The following TBC1D1 variants were observed in gnomAD, a reference collection of about 807,000 sequenced individuals.
TBC1D1 encodes TBC1 domain family member 1.
TBC1D1 carries 89 observed loss-of-function variants against 125.6 expected under a neutral mutation model. That is an observed-to-expected ratio of 0.71 (90% CI 0.60 to 0.85). The LOEUF (loss-of-function observed/expected upper bound fraction) is 0.85. Among genes scored for constraint, TBC1D1 ranks in the 40% least tolerant of loss-of-function variants. The pLI is 0.00. For synonymous variants in TBC1D1, 565 were observed against 564.1 expected (o/e 1.00, Z -0.02); for missense variants, 1,377 against 1,469.2 (o/e 0.94, Z 1.03).
In TBC1D1 at chr4:38,049,789, C is replaced by G; in HGVS notation, c.1801C>G (p.Pro601Ala). 6.2e-7 allele frequency: 1 copy of G among 1,614,186 alleles called. No homozygotes were observed. ...GCGAGCAAACACCCTGAGTCACTTC[C>G]CCATCGAATGCCAGGAACCTCCACA... Residue 601 changes from proline to alanine, a missense_variant, in exon 11 of 20, where the codon CCC becomes GCC. Transcript: ENST00000261439.
intron 12 of TBC1D1, among the ~76,000 whole-genome samples, chr4:38,083,233 C>A (rs1167977246): frequency 1.3e-5 from 2 of 152,222 alleles, no homozygotes; most frequent in Non-Finnish European, 2.9e-5. Context: ...GCTTAAAAAA[C>A]CCCCAATCTT....
chr4:38,066,648 A>G (rs1165919590), intron 12 of TBC1D1, among the ~76,000 whole-genome samples: 1 of 151,936 alleles, frequency 6.6e-6, no homozygotes, highest in Non-Finnish European at 1.5e-5. Context: ...TATTTGAATG[A>G]AAGAGCAGAC....
intron 11 of TBC1D1, among the ~76,000 whole-genome samples, chr4:38,050,350 G>A (rs541444370): frequency 1.2e-3 from 181 of 152,324 alleles, no homozygotes; most frequent in South Asian, 3.1e-3. Context: ...TAGCTCTGCC[G>A]TGAACTAATT....
At chr4:38,055,301 G>A (rs1203311143) in intron 12 of TBC1D1, among the ~76,000 whole-genome samples, 1 of 152,126 alleles carries the variant, frequency 6.6e-6, no homozygotes, top group Non-Finnish European at 1.5e-5. Flanking sequence ...CGTGGGCTTC[G>A]GAGTCTGCTT....
chr4:37,948,365 G>A (rs778816015), intron 2 of TBC1D1, among the ~76,000 whole-genome samples: 4 of 152,186 alleles, frequency 2.6e-5, no homozygotes, highest in African/African-American at 4.8e-5. Flanking sequence ...GGTGGCTCAC[G>A]CCTGTTAATT....
intron 2 of TBC1D1, among the ~76,000 whole-genome samples, chr4:38,008,335 A>G (rs912963776): frequency 6.6e-6 from 1 of 152,046 alleles, no homozygotes; most frequent in Non-Finnish European, 1.5e-5. Flanking sequence ...TTGTGGTTTC[A>G]TAGTTTTAAA....
chr4:38,133,226 A>G lies in TBC1D1; in HGVS notation c.3275A>G (p.Lys1092Arg), dbSNP rs776078069. The G allele has an allele frequency of 3.1e-6, 5 of 1,614,190 alleles. No homozygotes were observed. The highest frequency in any genetic ancestry group is 4.2e-6 in the Non-Finnish European group (5 of 1,180,018). The change falls in exon 19 of 20, where the codon AAA (lysine) becomes AGA (arginine). Residue 1092 changes from lysine to arginine, a missense_variant. By Grantham distance (26) the Lys-to-Arg change is conservative. Around this residue, in one of 3 missense-constraint regions of TBC1D1, gnomAD observed 543 missense variants for 613.5 expected, o/e 0.89. Transcript: ENST00000261439. ...GAGAAAACCAACAGCAGCTTACGCA[A>G]ACAGAACCTTGACCTCCTTGAACAG...
chr4:38,110,604 G>T (rs765753019), intron 15 of TBC1D1: 19 of 985,254 alleles, frequency 1.9e-5, no homozygotes, highest in Non-Finnish European at 2.2e-5. Context: ...CACATCGAAT[G>T]TCTTTTTATA....
chr4:37,913,860 C>T (rs555590376), intron 2 of TBC1D1, among the ~76,000 whole-genome samples: 35 of 151,876 alleles, frequency 2.3e-4, no homozygotes, highest in African/African-American at 8.2e-4. Flanking sequence ...CTTATAATGT[C>T]ACGAGCCACC....
intron 2 of TBC1D1, among the ~76,000 whole-genome samples, chr4:37,965,320 G>A (rs993191402): frequency 1.3e-5 from 2 of 152,174 alleles, no homozygotes; most frequent in African/African-American, 2.4e-5. Flanking sequence ...GGTGCATGGT[G>A]GATGCTGCCT....
chr4:38,111,279 G>A (rs1762157841), intron 15 of TBC1D1, among the ~76,000 whole-genome samples: 1 of 152,218 alleles, frequency 6.6e-6, no homozygotes, highest in Non-Finnish European at 1.5e-5. Context: ...ATGTGGGTGA[G>A]TTGTCGTGTT....
At chr4:37,907,888 C>G (rs1040403281) in intron 2 of TBC1D1, among the ~76,000 whole-genome samples, 2 of 152,316 alleles carry the variant, frequency 1.3e-5, no homozygotes, top group East Asian at 3.9e-4. Flanking sequence ...GCCCCTCATA[C>G]TGATTGTCAT....
chr4:38,019,969 A>AT (rs1357309085), intron 4 of TBC1D1, among the ~76,000 whole-genome samples: 1 of 152,012 alleles, frequency 6.6e-6, no homozygotes, highest in Non-Finnish European at 1.5e-5. Flanking sequence ...TCTGCCTTTG[A>AT]TTTTTTGAGT....
chr4:38,008,251 C>G lies in TBC1D1; in HGVS notation c.418-6258C>G, dbSNP rs773897466. Among the ~76,000 whole-genome samples, 98 of 152,350 alleles carry G rather than the reference C, an allele frequency of 6.4e-4. 1 individual carries two copies. Among genetic ancestry groups the G allele is most frequent in the Non-Finnish European group, 1.2e-3 (79 of 68,030 alleles). On this transcript the variant is annotated intron_variant, in intron 2 of 19. Coordinates refer to ENST00000261439, the MANE Select transcript of TBC1D1 (RefSeq NM_015173.4). ...CCTACGAAATAATTTCGTATCCTTA[C>G]AGTGCAATCTTCCTTTTTCTTTCTC...
At chr4:38,061,524 T>C (rs1404173738) in intron 12 of TBC1D1, among the ~76,000 whole-genome samples, 2 of 152,238 alleles carry the variant, frequency 1.3e-5, no homozygotes, top group Non-Finnish European at 2.9e-5. Context: ...GATTATATTG[T>C]GCATTTCACC....
intron 2 of TBC1D1, among the ~76,000 whole-genome samples, chr4:37,936,610 AG>A (rs777380830): frequency 3.9e-5 from 6 of 152,222 alleles, no homozygotes; most frequent in Non-Finnish European, 8.8e-5. Flanking sequence ...AGACCCAGAA[AG>A]GTCCTTGCTT....
intron 2 of TBC1D1, among the ~76,000 whole-genome samples, chr4:37,969,387 G>C (rs1731628394): frequency 6.6e-6 from 1 of 152,220 alleles, no homozygotes; most frequent in South Asian, 2.1e-4. Flanking sequence ...TTGTCGCCCA[G>C]TCTGGAGTGC....
chr4:37,905,246 C>A (rs547785434), intron 2 of TBC1D1, among the ~76,000 whole-genome samples: 1 of 152,216 alleles, frequency 6.6e-6, no homozygotes, highest in African/African-American at 2.4e-5. Flanking sequence ...AAGTAAAAAA[C>A]ACATATATAC....
At position 38,104,437 on chromosome 4, in the gene TBC1D1, C is replaced by T. The variant is rs1299030738; in HGVS notation, c.2557+1280C>T. 2.6e-5 allele frequency among the ~76,000 whole-genome samples: 4 copies of T among 152,208 alleles called. No homozygotes were observed. In the East Asian group the frequency reaches 5.8e-4, roughly 22 times the overall value. On this transcript the variant is annotated intron_variant, in intron 15 of 19. Coordinates refer to ENST00000261439, the MANE Select transcript of TBC1D1 (RefSeq NM_015173.4). The stretch of plus-strand genomic sequence containing the variant: ...ACAGGGCCAGGTGGCAATGCACTCC[C>T]GTTTGCCTGCCGCCTATCACCCAAG...
Sources: allele counts gnomAD v4.1 joint callset (sites outside exome capture counted in the v4.1 genomes callset), GRCh38; gene constraint gnomAD v4.1.1; regional missense constraint gnomAD v4.1.1; transcripts MANE v1.5; gene names NCBI Gene and HGNC (gene_info 2026-07-23, HGNC 2026-07-21).